The following DNAJC6 variants were observed in gnomAD, a reference collection of about 807,000 sequenced individuals.
DNAJC6 encodes auxilin.
A neutral mutation model predicts 110.0 loss-of-function variants in DNAJC6; 34 were observed. The ratio of observed to expected loss-of-function variants is 0.31; its 90% CI spans 0.24 to 0.41. The LOEUF (loss-of-function observed/expected upper bound fraction) is 0.41. Among genes scored for constraint, DNAJC6 ranks in the 10% least tolerant of loss-of-function variants. DNAJC6 has a pLI of 1.00. For synonymous variants in DNAJC6, 406 were observed against 437.2 expected (o/e 0.93, Z 0.89); for missense variants, 1,031 against 1,207.8 (o/e 0.85, Z 2.17).
At chr1:65,351,775 T>A (rs1281578576) in intron 1 of DNAJC6, among the ~76,000 whole-genome samples, 1 of 152,196 alleles carries the variant, frequency 6.6e-6, no homozygotes, top group Non-Finnish European at 1.5e-5. Flanking sequence ...ATATATTTTT[T>A]TTTTCTTAAG....
intron 1 of DNAJC6, among the ~76,000 whole-genome samples, chr1:65,283,482 A>C (rs1251527611): frequency 6.6e-6 from 1 of 152,214 alleles, no homozygotes; most frequent in East Asian, 1.9e-4. Context: ...ATGCACCAAC[A>C]GTCCATTCCT....
At chr1:65,303,863 C>T (rs191320863) in intron 1 of DNAJC6, among the ~76,000 whole-genome samples, 15 of 152,278 alleles carry the variant, frequency 9.9e-5, no homozygotes, top group African/African-American at 3.4e-4. Context: ...GTTGCCCAAA[C>T]CATTTTCCAC....
intron 1 of DNAJC6, among the ~76,000 whole-genome samples, chr1:65,322,607 T>A (rs1180304002): frequency 6.6e-6 from 1 of 152,234 alleles, no homozygotes; most frequent in East Asian, 1.9e-4. Context: ...GCAGTATACC[T>A]GTGGGAAAAA....
chr1:65,264,755 G>T, exon 1 of DNAJC6: 6 of 1,443,914 alleles, frequency 4.2e-6, no homozygotes, highest in Non-Finnish European at 5.5e-6. Flanking sequence ...TTATAACCCC[G>T]CACACCGACT....
intron 1 of DNAJC6, among the ~76,000 whole-genome samples, chr1:65,302,826 C>T (rs569439717): frequency 1.3e-5 from 2 of 152,236 alleles, no homozygotes; most frequent in African/African-American, 2.4e-5. Context: ...TGAGCCACCG[C>T]GCCCGGCCTG....
At chr1:65,401,632 T>C in intron 14 of DNAJC6, 129 bp from the exon 15 acceptor site, 1 of 1,318,350 alleles carries the variant, frequency 7.6e-7, no homozygotes, top group Non-Finnish European at 1.0e-6. Flanking sequence ...GTCTAGCAAC[T>C]TCTTAGACAT....
chr1:65,312,636 A>G (rs1645111605), intron 1 of DNAJC6, among the ~76,000 whole-genome samples: 1 of 152,372 alleles, frequency 6.6e-6, no homozygotes, highest in East Asian at 1.9e-4. Flanking sequence ...CTTAGTCTTA[A>G]TAATACCTTA....
intron 1 of DNAJC6, among the ~76,000 whole-genome samples, chr1:65,347,250 A>G (rs1415271861): frequency 6.6e-6 from 1 of 152,196 alleles, no homozygotes; most frequent in Admixed American, 6.5e-5. Context: ...ATAGTCTCCA[A>G]AATGTTAACA....
intron 13 of DNAJC6, among the ~76,000 whole-genome samples, chr1:65,396,510 T>C (rs1011350256): frequency 2.0e-5 from 3 of 152,126 alleles, no homozygotes; most frequent in Non-Finnish European, 4.4e-5. Flanking sequence ...CTGTTTCCTC[T>C]GCCTCATACT....
chr1:65,392,519 A>G lies in DNAJC6; in HGVS notation c.1557A>G (p.Thr519=). The change falls in exon 12 of 19, where the codon ACA becomes ACG. Residue 519 remains threonine, a synonymous_variant. Transcript: ENST00000371069. ...AGCAATCAGATGATGAACTTCTGAC[A>G]CTTTCCAGTCCGCATGGCAATGCCA... is the stretch of plus-strand genomic sequence containing the variant. ...ESEQSDDELL[T]LSSPHGNANG... is the part of the protein sequence containing the mutation. The G allele has an allele frequency of 1.2e-6, 2 of 1,614,084 alleles. No homozygotes were observed. The highest frequency in any genetic ancestry group is 1.7e-6 in the Non-Finnish European group (2 of 1,180,004).
intron 1 of DNAJC6, among the ~76,000 whole-genome samples, chr1:65,291,034 T>A (rs1339116719): frequency 6.6e-6 from 1 of 152,232 alleles, no homozygotes; most frequent in Non-Finnish European, 1.5e-5. Flanking sequence ...AATTATTGAA[T>A]TTTTTGTTTG....
chr1:65,275,951 C>A (rs1653655964), intron 1 of DNAJC6, among the ~76,000 whole-genome samples: 1 of 147,960 alleles, frequency 6.8e-6, no homozygotes, highest in African/African-American at 2.5e-5. Flanking sequence ...GGCTGCAGTG[C>A]GATCCTGGCT....
At chr1:65,288,790 C>G (rs776645421) in intron 1 of DNAJC6, among the ~76,000 whole-genome samples, 1 of 152,102 alleles carries the variant, frequency 6.6e-6, no homozygotes, top group Non-Finnish European at 1.5e-5. Flanking sequence ...ATCTTTTGCT[C>G]TCATTTATTT....
At chr1:65,403,792 A>G (rs1420265906) in intron 15 of DNAJC6, among the ~76,000 whole-genome samples, 3 of 152,154 alleles carry the variant, frequency 2.0e-5, no homozygotes, top group African/African-American at 7.2e-5. Flanking sequence ...TGGGGAGAAA[A>G]TATTCTAGAA....
chr1:65,297,174 CA>C (rs1379513735), intron 1 of DNAJC6, among the ~76,000 whole-genome samples: 4 of 152,046 alleles, frequency 2.6e-5, no homozygotes, highest in Non-Finnish European at 4.4e-5. Context: ...TGGGGGATCA[CA>C]ACAAAGCTCT....
At chr1:65,344,140 G>A (rs1040397853) in intron 1 of DNAJC6, among the ~76,000 whole-genome samples, 1 of 152,156 alleles carries the variant, frequency 6.6e-6, no homozygotes, top group African/African-American at 2.4e-5. Flanking sequence ...ATTTTTCTAT[G>A]CCATTTGTGG....
At chr1:65,372,626 C>A (rs527769541) in intron 4 of DNAJC6, among the ~76,000 whole-genome samples, 9 of 152,170 alleles carry the variant, frequency 5.9e-5, no homozygotes, top group African/African-American at 2.2e-4. Context: ...ACTTTACACA[C>A]TAGATAATTG....
upstream of DNAJC6, among the ~76,000 whole-genome samples, chr1:65,306,238 A>G (rs1645036636): frequency 1.3e-5 from 2 of 151,978 alleles, no homozygotes; most frequent in Middle Eastern, 6.3e-3. Context: ...TAGTAGATAC[A>G]GGGTTTCACC....
At chr1:65,273,934 C>G (rs1653584471) in intron 1 of DNAJC6, among the ~76,000 whole-genome samples, 2 of 152,066 alleles carry the variant, frequency 1.3e-5, no homozygotes, top group South Asian at 4.1e-4. Context: ...AATGTGCATA[C>G]TAAGATAGTT....
Sources: allele counts gnomAD v4.1 joint callset (sites outside exome capture counted in the v4.1 genomes callset), GRCh38; gene constraint gnomAD v4.1.1; transcripts MANE v1.5; gene names NCBI Gene and HGNC (gene_info 2026-07-23, HGNC 2026-07-21).